Variants in PDE4B observed in about 807,000 individuals in gnomAD.
PDE4B encodes phosphodiesterase 4B, also known as 3',5'-cyclic-AMP phosphodiesterase 4B.
In PDE4B, 20 loss-of-function variants were observed where a neutral mutation model predicts 82.2. The ratio of observed to expected loss-of-function variants is 0.24; its 90% CI spans 0.17 to 0.35. The LOEUF is 0.35. PDE4B is among the 10% of genes least tolerant of loss of function. The pLI is 1.00. For missense variants in PDE4B, 655 were observed against 907.2 expected (o/e 0.72, Z 3.57); for synonymous variants, 320 against 318.9 (o/e 1.00, Z -0.04).
chr1:66,023,689 C>T (rs1653272861), intron 3 of PDE4B, among the ~76,000 whole-genome samples: 1 of 152,012 alleles, frequency 6.6e-6, no homozygotes. Context: ...AGCCTATAAT[C>T]CACCTGAGGG....
At chr1:65,868,081 C>T (rs2100284113) in intron 1 of PDE4B, among the ~76,000 whole-genome samples, 1 of 152,290 alleles carries the variant, frequency 6.6e-6, no homozygotes, top group East Asian at 1.9e-4. Flanking sequence ...TTCTCAGTCT[C>T]TTTGCTCTCA....
chr1:66,064,625 C>T (rs1174389813), intron 3 of PDE4B, among the ~76,000 whole-genome samples: 1 of 151,888 alleles, frequency 6.6e-6, no homozygotes, highest in Admixed American at 6.6e-5. Context: ...GACTCTTTTC[C>T]TCAGGGCTGT....
At chr1:66,349,353 T>C (rs1168915653) in intron 8 of PDE4B, among the ~76,000 whole-genome samples, 1 of 152,192 alleles carries the variant, frequency 6.6e-6, no homozygotes. Context: ...TACTTACCTA[T>C]TGATTACTAC....
chr1:66,164,531 G>GAA (rs1646680664), intron 3 of PDE4B, among the ~76,000 whole-genome samples: 1 of 35,284 alleles, frequency 2.8e-5, no homozygotes, highest in Non-Finnish European at 4.8e-5. Flanking sequence ...GAGAGACTCC[G>GAA]TCTCAAAAAA....
At chr1:66,126,520 A>G (rs1393145291) in intron 3 of PDE4B, among the ~76,000 whole-genome samples, 1 of 152,204 alleles carries the variant, frequency 6.6e-6, no homozygotes, top group Admixed American at 6.5e-5. Flanking sequence ...TATGTTTCAG[A>G]AAACCTAGAA....
At chr1:66,315,031 G>A (rs576965470) in intron 7 of PDE4B, among the ~76,000 whole-genome samples, 17 of 152,256 alleles carry the variant, frequency 1.1e-4, no homozygotes, top group Non-Finnish European at 2.1e-4. Flanking sequence ...TTTCACTCTC[G>A]TACTTACTGG....
At chr1:66,066,017 C>T (rs920817310) in intron 3 of PDE4B, among the ~76,000 whole-genome samples, 2 of 151,640 alleles carry the variant, frequency 1.3e-5, no homozygotes, top group African/African-American at 4.8e-5. Context: ...AAACTTCATC[C>T]ATTTCCTGTT....
At chr1:66,007,649 T>A (rs1045165423) in intron 3 of PDE4B, among the ~76,000 whole-genome samples, 1 of 152,144 alleles carries the variant, frequency 6.6e-6, no homozygotes. Flanking sequence ...TAGTGAGCTA[T>A]ACTTGAGAAT....
At chr1:66,218,287 C>A (rs868608691) in intron 3 of PDE4B, among the ~76,000 whole-genome samples, 2 of 152,096 alleles carry the variant, frequency 1.3e-5, no homozygotes, top group South Asian at 4.1e-4. Flanking sequence ...GGCCTCATGT[C>A]ATGAAGTCCA....
rs369337445 is a variant in PDE4B at position 66,249,126 on chromosome 1, A to C, written c.476+1472A>C. 1.4e-4 allele frequency among the ~76,000 whole-genome samples: 21 copies of C among 152,342 alleles called. No homozygotes were observed. In the South Asian group the frequency reaches 3.7e-3, roughly 27 times the overall value. On this transcript the variant is annotated intron_variant, in intron 4 of 16. Transcript: ENST00000341517. Reference sequence around the variant, plus strand: ...GTAGAGGTGTCCAAGGCTGCAGGAGAGGTAGGTAGCCAGCAACTTTGCTGT... The same window carrying C: ...GTAGAGGTGTCCAAGGCTGCAGGAGCGGTAGGTAGCCAGCAACTTTGCTGT...
chr1:65,845,726 C>G (rs1646260363), intron 1 of PDE4B, among the ~76,000 whole-genome samples: 1 of 152,156 alleles, frequency 6.6e-6, no homozygotes, highest in Non-Finnish European at 1.5e-5. Context: ...CACCTAAGTG[C>G]TGTGCATGGT....
At chr1:65,818,076 CT>C (rs888328567) in intron 1 of PDE4B, among the ~76,000 whole-genome samples, 1 of 152,118 alleles carries the variant, frequency 6.6e-6, no homozygotes, top group African/African-American at 2.4e-5. Flanking sequence ...ATTTAGAATC[CT>C]TCAGCAGCCT....
At chr1:65,992,952 G>C in intron 3 of PDE4B, 1 of 1,613,862 alleles carries the variant, frequency 6.2e-7, no homozygotes, top group African/African-American at 1.3e-5. Context: ...TTCTGAACCT[G>C]AGGTTTGCAT....
intron 3 of PDE4B, among the ~76,000 whole-genome samples, chr1:66,234,661 C>T (rs1652262495): frequency 6.6e-6 from 1 of 152,062 alleles, no homozygotes; most frequent in Non-Finnish European, 1.5e-5. Flanking sequence ...TCTCCTCTCT[C>T]ATTCTTTCAG....
chr1:66,192,371 A>G (rs1035420069), intron 3 of PDE4B, among the ~76,000 whole-genome samples: 3 of 152,164 alleles, frequency 2.0e-5, no homozygotes, highest in African/African-American at 4.8e-5. Flanking sequence ...TTTAGACTCA[A>G]CCGAACTGAT....
At chr1:66,051,240 GA>G (rs1296604257) in intron 3 of PDE4B, among the ~76,000 whole-genome samples, 2 of 151,994 alleles carry the variant, frequency 1.3e-5, no homozygotes, top group South Asian at 2.1e-4. Flanking sequence ...AAATTTGAAA[GA>G]AAACAAAATA....
chr1:66,306,782 G>A (rs998370157), intron 7 of PDE4B, among the ~76,000 whole-genome samples: 3 of 152,140 alleles, frequency 2.0e-5, no homozygotes, highest in African/African-American at 7.2e-5. Flanking sequence ...GAAATAGCCA[G>A]TTCTGGAAAT....
chr1:66,361,596 A>G lies in PDE4B; in HGVS notation c.842-19A>G. 1.2e-6 allele frequency: 2 copies of G among 1,603,044 alleles called. No individual in the cohort carries two copies. The highest frequency in any genetic ancestry group is 1.7e-6 in the Non-Finnish European group (2 of 1,173,886). On this transcript the variant is annotated intron_variant, in intron 9 of 16. Transcript: ENST00000341517. The stretch of plus-strand genomic sequence containing the variant: ...CATAGACACATGTGCTGAAAAACAT[A>G]TTCCTTTGTCTGTTGCAGACAAGCA...
chr1:66,166,531 A>C (rs4655819), intron 3 of PDE4B, among the ~76,000 whole-genome samples: 69,355 of 151,778 alleles, frequency 0.46, 18,077 homozygotes, highest in African/African-American at 0.69. Flanking sequence ...GTCAGGAGTT[A>C]GAGACAAGCC....
Sources: allele counts gnomAD v4.1 joint callset (sites outside exome capture counted in the v4.1 genomes callset), GRCh38; gene constraint gnomAD v4.1.1; transcripts MANE v1.5; gene names NCBI Gene and HGNC (gene_info 2026-07-23, HGNC 2026-07-21).